The following STIM2 variants were observed in gnomAD, a reference collection of about 807,000 sequenced individuals.
STIM2 encodes the protein stromal interaction molecule 2.
A neutral mutation model predicts 85.8 loss-of-function variants in STIM2; 31 were observed. That is an observed-to-expected ratio of 0.36 (90% CI 0.27 to 0.49). The LOEUF (loss-of-function observed/expected upper bound fraction) is 0.49, where lower values mean the gene tolerates loss of function less well. STIM2 is among the 20% of genes least tolerant of loss of function. STIM2 has a pLI of 0.98. For synonymous variants in STIM2, 356 were observed against 331.1 expected, an observed-to-expected ratio of 1.08 and a Z score of -0.82; for missense variants, 841 against 927.6, an observed-to-expected ratio of 0.91 and a Z score of 1.21.
intron 1 of STIM2, among the ~76,000 whole-genome samples, chr4:26,919,192 A>T (rs1724704262): frequency 6.6e-6 from 1 of 151,874 alleles, no homozygotes; most frequent in Non-Finnish European, 1.5e-5. Context: ...GTAAATCATG[A>T]TTAGTAAATA....
At chr4:26,978,626 G>A (rs1265664599) in intron 3 of STIM2, among the ~76,000 whole-genome samples, 1 of 152,122 alleles carries the variant, frequency 6.6e-6, no homozygotes, top group African/African-American at 2.4e-5. Context: ...AGAAATGCCA[G>A]AAAGTAACTG....
chr4:26,989,507 C>A lies in STIM2; in HGVS notation c.398-5872C>A, dbSNP rs574482874. On this transcript the variant is annotated intron_variant, in intron 3 of 11. Coordinates refer to ENST00000467087, the MANE Select transcript of STIM2 (RefSeq NM_020860.4). ...TGACAAGCCCAAAAGCTGTGTGTTTCGTGCCGAATGGGGAAAAATTGAAAG... is the reference window on the plus strand; with the variant it reads ...TGACAAGCCCAAAAGCTGTGTGTTTAGTGCCGAATGGGGAAAAATTGAAAG... 2.9e-4 allele frequency among the ~76,000 whole-genome samples: 44 copies of A among 152,264 alleles called. No homozygotes were observed. The South Asian group carries it at 9.1e-3, about 32-fold the overall frequency.
At position 26,865,178 on chromosome 4, in the gene STIM2, T is replaced by G. The variant is rs142815799; in HGVS notation, c.151+3809T>G. Among the ~76,000 whole-genome samples the G allele has an allele frequency of 2.6e-3, 403 of 152,300 alleles. 2 individuals carry two copies. Among genetic ancestry groups the G allele is most frequent in the African/African-American group, 9.0e-3 (374 of 41,560 alleles). On this transcript the variant is annotated intron_variant, in intron 1 of 11. Transcript: ENST00000467087. Reference sequence around the variant, plus strand: ...TTACCAGTGCTTTTCTTCACCAGTCTTTGGTCATTGCTGTAGTTGTATTAT... The same window carrying G: ...TTACCAGTGCTTTTCTTCACCAGTCGTTGGTCATTGCTGTAGTTGTATTAT...
chr4:26,909,977 C>T (rs1724271416), intron 1 of STIM2, among the ~76,000 whole-genome samples: 1 of 152,126 alleles, frequency 6.6e-6, no homozygotes, highest in Non-Finnish European at 1.5e-5. Context: ...TTTTTATCAT[C>T]TTTGGAGAGA....
At chr4:26,875,152 C>A (rs1722772798) in intron 1 of STIM2, among the ~76,000 whole-genome samples, 1 of 150,802 alleles carries the variant, frequency 6.6e-6, no homozygotes, top group South Asian at 2.1e-4. Context: ...ATATTCTTAA[C>A]TTACTATCAA....
intron 2 of STIM2, among the ~76,000 whole-genome samples, chr4:26,951,230 A>C (rs1168393043): frequency 6.6e-6 from 1 of 152,118 alleles, no homozygotes; most frequent in African/African-American, 2.4e-5. Context: ...GAAAAGTAGA[A>C]ATTCTTGGTT....
In STIM2 at chr4:26,875,849, C is replaced by T. The variant is rs563604790; in HGVS notation, c.151+14480C>T. ...AAAAGCCCTTACTAATATTTATATTCGCTAAAAGAAAGTACCATAGTAATC... is the reference window on the plus strand; with the variant it reads ...AAAAGCCCTTACTAATATTTATATTTGCTAAAAGAAAGTACCATAGTAATC... On this transcript the variant is annotated intron_variant, in intron 1 of 11. Coordinates refer to ENST00000467087, the MANE Select transcript of STIM2 (RefSeq NM_020860.4). Among the ~76,000 whole-genome samples the T allele has an allele frequency of 8.5e-5, 13 of 152,266 alleles. No homozygotes were observed. The East Asian group carries it at 1.7e-3, about 20-fold the overall frequency.
intron 2 of STIM2, among the ~76,000 whole-genome samples, chr4:26,921,070 G>A (rs978682743): frequency 1.3e-5 from 2 of 152,140 alleles, no homozygotes; most frequent in African/African-American, 4.8e-5. Flanking sequence ...AGTTGGGTGG[G>A]CCTGTAATTC....
chr4:27,022,400 T>C (rs568290547), intron 11 of STIM2, 119 bp from the exon 12 acceptor site: 1 of 803,176 alleles, frequency 1.2e-6, no homozygotes, highest in African/African-American at 1.7e-5. Context: ...TATAGAATCA[T>C]ATCATTTCCC....
At chr4:26,929,952 A>G (rs182491781) in intron 2 of STIM2, among the ~76,000 whole-genome samples, 239 of 152,280 alleles carry the variant, frequency 1.6e-3, no homozygotes, top group African/African-American at 5.2e-3. Context: ...TATCATGTGT[A>G]CAGTACTTGG....
intron 3 of STIM2, among the ~76,000 whole-genome samples, chr4:26,985,840 C>T (rs780081037): frequency 6.7e-4 from 102 of 152,228 alleles, no homozygotes; most frequent in Non-Finnish European, 1.3e-3. Context: ...TTAAGAATGA[C>T]ATTACTAATG....
chr4:26,877,509 A>G (rs1316494370), intron 1 of STIM2, among the ~76,000 whole-genome samples: 3 of 146,940 alleles, frequency 2.0e-5, no homozygotes, highest in Non-Finnish European at 3.0e-5. Flanking sequence ...TCTCTTGACG[A>G]TGGGTTGTTT....
intron 2 of STIM2, among the ~76,000 whole-genome samples, chr4:26,932,001 T>G (rs1393982712): frequency 1.3e-5 from 2 of 152,214 alleles, no homozygotes; most frequent in African/African-American, 2.4e-5. Flanking sequence ...AAGATAACAT[T>G]TATTGAGCAT....
intron 3 of STIM2, among the ~76,000 whole-genome samples, chr4:26,968,111 C>A (rs1045780185): frequency 6.6e-6 from 1 of 152,200 alleles, no homozygotes; most frequent in East Asian, 1.9e-4. Flanking sequence ...GTCAAGGCTG[C>A]AGTGAGCCAT....
intron 2 of STIM2, among the ~76,000 whole-genome samples, chr4:26,931,258 C>G (rs1373036149): frequency 1.3e-5 from 2 of 151,964 alleles, no homozygotes; most frequent in African/African-American, 4.8e-5. Context: ...AAGTGACGTC[C>G]CATCACTTTT....
At chr4:26,971,823 C>T (rs1726967098) in intron 3 of STIM2, among the ~76,000 whole-genome samples, 1 of 152,120 alleles carries the variant, frequency 6.6e-6, no homozygotes, top group Non-Finnish European at 1.5e-5. Context: ...CTATAAATTA[C>T]CTTGGGCAGT....
chr4:27,002,155 T>C, intron 5 of STIM2, 62 bp from the exon 6 acceptor site: 1 of 1,464,556 alleles, frequency 6.8e-7, no homozygotes, highest in Non-Finnish European at 9.1e-7. Flanking sequence ...AAAAATGTCT[T>C]TTTGTATTGA....
In STIM2 at chr4:27,017,939, A is replaced by C; in HGVS notation, c.1718A>C (p.Asn573Thr). The C allele has an allele frequency of 6.2e-7, 1 of 1,614,122 alleles. No individual in the cohort carries two copies. The highest frequency in any genetic ancestry group is 8.5e-7 in the Non-Finnish European group (1 of 1,180,032). The change falls in exon 11 of 12, where the codon AAT (asparagine) becomes ACT (threonine). Residue 573 changes from asparagine to threonine, a missense_variant. Asn to Thr is a moderately conservative substitution (Grantham distance 65). This residue lies in a region of STIM2 where 293 missense variants were observed against 284.5 expected (regional missense o/e 1.03). Coordinates refer to ENST00000467087, the MANE Select transcript of STIM2 (RefSeq NM_020860.4). ...TCAAGTTGCCCTGCGCTTTATCGAA[A>C]TGAAGAGGAGGAAGAGGCCATTTAC...
At position 27,024,489 on chromosome 4, in the gene STIM2, A is replaced by G. The variant is rs1290123077; in HGVS notation, c.*1493A>G. Reference sequence around the variant, plus strand: ...ATTTAGGTGAAAATGCTAATTGATAAACCAGAAGTTTCTTTTGAGATTTGC... The same window carrying G: ...ATTTAGGTGAAAATGCTAATTGATAGACCAGAAGTTTCTTTTGAGATTTGC... On this transcript the variant is annotated 3_prime_UTR_variant, in exon 12 of 12. Coordinates refer to ENST00000467087, the MANE Select transcript of STIM2 (RefSeq NM_020860.4). 6.6e-6 allele frequency: 1 copy of G among 152,234 alleles called. No homozygotes were observed. Among genetic ancestry groups the G allele is most frequent in the East Asian group, 1.9e-4 (1 of 5,200 alleles). 9.4% of individuals were successfully genotyped at this position (152,234 alleles called of 1,614,324 possible). A position where few individuals can be genotyped will look rare whatever the true frequency, so the allele number is the denominator to read the frequency against.
Sources: allele counts gnomAD v4.1 joint callset (sites outside exome capture counted in the v4.1 genomes callset), GRCh38; gene constraint gnomAD v4.1.1; regional missense constraint gnomAD v4.1.1; transcripts MANE v1.5; gene names NCBI Gene and HGNC (gene_info 2026-07-23, HGNC 2026-07-21).